Variants in PRDM12 observed in about 807,000 individuals in gnomAD.
PRDM12 encodes PR/SET domain 12.
PRDM12 carries 17 observed loss-of-function variants against 29.6 expected under a neutral mutation model. The ratio of observed to expected loss-of-function variants is 0.57; its 90% CI spans 0.39 to 0.86. The LOEUF (loss-of-function observed/expected upper bound fraction) is 0.86. PRDM12 is among the 40% of genes least tolerant of loss of function. The pLI, the probability that PRDM12 is intolerant of heterozygous loss-of-function variation, is 0.00. For missense variants in PRDM12, 422 were observed against 510.8 expected (o/e 0.83, Z 1.68); for synonymous variants, 231 against 225.8 (o/e 1.02, Z -0.21).
In PRDM12 at chr9:130,668,327, T is replaced by C. The variant is rs1227266147; in HGVS notation, c.570+14T>C. On this transcript the variant is annotated intron_variant, in intron 3 of 4. Transcript: ENST00000253008. The surrounding 1 kb of genome is among the most constrained non-coding windows in gnomAD (Gnocchi z 4.0). ...AAGGCCATTGAGGTGTGTGTGTGTGTGTGCACTGTTGTGTAGGGACCAGCC... is the reference window on the plus strand; with the variant it reads ...AAGGCCATTGAGGTGTGTGTGTGTGCGTGCACTGTTGTGTAGGGACCAGCC... The C allele has an allele frequency of 1.2e-6, 2 of 1,613,492 alleles. No individual in the cohort carries two copies. Among genetic ancestry groups the C allele is most frequent in the Non-Finnish European group, 1.7e-6 (2 of 1,179,858 alleles).
chr9:130,666,486 T>G (rs571215410), intron 1 of PRDM12, 122 bp from the exon 2 acceptor site: 24 of 1,298,994 alleles, frequency 1.8e-5, no homozygotes, highest in Non-Finnish European at 2.5e-5. Flanking sequence ...TTCTCTGGAT[T>G]TGGGGCCGAC....
intron 3 of PRDM12, among the ~76,000 whole-genome samples, chr9:130,677,372 G>A (rs1000862735): frequency 6.6e-6 from 1 of 152,190 alleles, no homozygotes; most frequent in African/African-American, 2.4e-5. Flanking sequence ...CACAGAGGGG[G>A]CCCTGTCTCT....
At chr9:130,665,949 G>A (rs1830729577) in intron 1 of PRDM12, among the ~76,000 whole-genome samples, 1 of 152,216 alleles carries the variant, frequency 6.6e-6, no homozygotes, top group East Asian at 1.9e-4. Flanking sequence ...AGATGACATC[G>A]GGGTTTGTCT....
chr9:130,673,093 C>T (rs1830804083), intron 3 of PRDM12, among the ~76,000 whole-genome samples: 1 of 152,184 alleles, frequency 6.6e-6, no homozygotes, highest in Non-Finnish European at 1.5e-5. Flanking sequence ...CTGAGCCTAT[C>T]CCTGCTCCCC....
intron 2 of PRDM12, 90 bp downstream of exon 2, chr9:130,666,888 A>C: frequency 6.8e-7 from 1 of 1,473,110 alleles, no homozygotes; most frequent in Non-Finnish European, 9.1e-7. Context: ...CGCCGCTTCC[A>C]CCCGGGCTGA....
At chr9:130,672,581 G>A (rs898027951) in intron 3 of PRDM12, among the ~76,000 whole-genome samples, 6 of 152,168 alleles carry the variant, frequency 3.9e-5, no homozygotes, top group African/African-American at 1.4e-4. Context: ...GAAATGTTAC[G>A]GAGATTACGG....
chr9:130,672,915 G>A (rs560176414), intron 3 of PRDM12, among the ~76,000 whole-genome samples: 1 of 152,180 alleles, frequency 6.6e-6, no homozygotes, highest in Admixed American at 6.5e-5. Flanking sequence ...AATTCAGAAA[G>A]TGGGGAAGGA....
rs1447374379 is a variant in PRDM12, at chr9:130,681,791, G to A, written c.*122G>A. 1 of 892,908 alleles carries A rather than the reference G, an allele frequency of 1.1e-6. No individual in the cohort carries two copies. Among genetic ancestry groups the A allele is most frequent in the Non-Finnish European group, 1.3e-6 (1 of 745,814 alleles). The allele number at this position is 892,908 out of a possible 1,614,324, so 55.3% of individuals were successfully genotyped here. A position where few individuals can be genotyped will look rare whatever the true frequency, so the allele number is the denominator to read the frequency against. ...GCGCCGCCGCGGAGCCCCGCGCGCT[G>A]GGGTTGCGCCCCGGAGGCGGATCTC... On this transcript the variant is annotated 3_prime_UTR_variant, in exon 5 of 5. Coordinates refer to ENST00000253008, the MANE Select transcript of PRDM12 (RefSeq NM_021619.3). This position sits in a 1 kb window ranked among gnomAD's most constrained non-coding sequence, Gnocchi z 8.1.
At chr9:130,665,546 A>G (rs374337703) in intron 1 of PRDM12, among the ~76,000 whole-genome samples, 1 of 151,538 alleles carries the variant, frequency 6.6e-6, no homozygotes, top group Admixed American at 6.6e-5. Flanking sequence ...ACTTCCATTC[A>G]CGCTATGTCA....
Position 130,681,525 on chromosome 9 carries a change from C to A in PRDM12, c.960C>A (p.Ser320Arg). The A allele has an allele frequency of 7.3e-7, 1 of 1,375,508 alleles. No individual in the cohort carries two copies. Among genetic ancestry groups the A allele is most frequent in the Non-Finnish European group, 9.5e-7 (1 of 1,057,624 alleles). 85.2% of individuals were successfully genotyped at this position (1,375,508 alleles called of 1,614,324 possible). The change falls in exon 5 of 5, where the codon AGC (serine) becomes AGA (arginine). Residue 320 changes from serine to arginine, a missense_variant. Around this residue, in one of 5 missense-constraint regions of PRDM12, gnomAD observed 24 missense variants for 64.0 expected, o/e 0.38. Transcript: ENST00000253008. This position sits in a 1 kb window ranked among gnomAD's most constrained non-coding sequence, Gnocchi z 8.1. ...QLAGLRAHQK[S>R]ARHRPPSTAL... ...CCGGCCTGCGCGCCCACCAGAAGAG[C>A]GCGCGGCACCGGCCGCCCAGCACCG...
chr9:130,681,790 TG>T lies in PRDM12; in HGVS notation c.*125del. 1 of 892,044 alleles carries T rather than the reference TG, an allele frequency of 1.1e-6. No homozygotes were observed. Among genetic ancestry groups the T allele is most frequent in the Non-Finnish European group, 1.3e-6 (1 of 745,122 alleles). The allele number at this position is 892,044 out of a possible 1,614,324, so 55.3% of individuals were successfully genotyped here. The stretch of plus-strand genomic sequence containing the variant: ...GGCGCCGCCGCGGAGCCCCGCGCGC[TG>T]GGGTTGCGCCCCGGAGGCGGATCTC... On this transcript the variant is annotated 3_prime_UTR_variant, in exon 5 of 5. Transcript: ENST00000253008. The surrounding 1 kb of genome is among the most constrained non-coding windows in gnomAD (Gnocchi z 8.1).
chr9:130,667,786 G>T (rs1284844360), intron 2 of PRDM12, among the ~76,000 whole-genome samples: 1 of 152,176 alleles, frequency 6.6e-6, no homozygotes, highest in Admixed American at 6.5e-5. Context: ...CCTCTCTGAG[G>T]CCTGGCTGAT....
rs1554753223 is a variant in PRDM12 at position 130,681,593 on chromosome 9, A to ACGCGCCCGCGCT, written c.1032_1043dup (p.Pro345_Ala348dup). ...CCCGCGCTGCCCGCCCCGCACGCGCACGCGCCCGCGCTCGCCGCCGCCGCC... is the reference window on the plus strand; with the variant it reads ...CCCGCGCTGCCCGCCCCGCACGCGCACGCGCCCGCGCTCGCGCCCGCGCTCGCCGCCGCCGCC... On this transcript the variant is annotated inframe_insertion, in exon 5 of 5. Coordinates refer to ENST00000253008, the MANE Select transcript of PRDM12 (RefSeq NM_021619.3). The surrounding 1 kb of genome is among the most constrained non-coding windows in gnomAD (Gnocchi z 8.1). The ACGCGCCCGCGCT allele has an allele frequency of 1.9e-6, 2 of 1,072,150 alleles. No homozygotes were observed. The highest frequency in any genetic ancestry group is 2.3e-6 in the Non-Finnish European group (2 of 885,426). The allele number at this position is 1,072,150 out of a possible 1,614,324, so 66.4% of individuals were successfully genotyped here.
intron 3 of PRDM12, among the ~76,000 whole-genome samples, chr9:130,672,255 G>A (rs1293411393): frequency 1.3e-5 from 2 of 152,186 alleles, no homozygotes; most frequent in Non-Finnish European, 2.9e-5. Flanking sequence ...AGGCTGGAGT[G>A]CAATGGTGCA....
chr9:130,667,513 G>A (rs920892164), intron 2 of PRDM12, among the ~76,000 whole-genome samples: 1 of 138,818 alleles, frequency 7.2e-6, no homozygotes, highest in African/African-American at 2.7e-5. Context: ...TCATTCCCTC[G>A]CCCGCTCCCC....
rs1588183341 is a variant in PRDM12, at chr9:130,664,916, C to T, written c.223+40C>T. ...CGGAGCCCGGCGCAATCCCTCCTCC[C>T]GGCGACCCCCATTCCCGTCCTGGCG... On this transcript the variant is annotated intron_variant, in intron 1 of 4. Transcript: ENST00000253008. This position sits in a 1 kb window ranked among gnomAD's most constrained non-coding sequence, Gnocchi z 6.4. 1 of 1,482,626 alleles carries T rather than the reference C, an allele frequency of 6.7e-7. No individual in the cohort carries two copies. The highest frequency in any genetic ancestry group is 9.0e-7 in the Non-Finnish European group (1 of 1,108,496). 91.8% of individuals were successfully genotyped at this position (1,482,626 alleles called of 1,614,324 possible).
rs1272475174 is a variant in PRDM12, at chr9:130,668,360, C to T, written c.570+47C>T. Reference sequence around the variant, plus strand: ...GTTGTGTAGGGACCAGCCGGTAAACCCGGCGGGGGGAGGTGTGCAGGGCAG... The same window carrying T: ...GTTGTGTAGGGACCAGCCGGTAAACTCGGCGGGGGGAGGTGTGCAGGGCAG... On this transcript the variant is annotated intron_variant, in intron 3 of 4. Coordinates refer to ENST00000253008, the MANE Select transcript of PRDM12 (RefSeq NM_021619.3). This position sits in a 1 kb window ranked among gnomAD's most constrained non-coding sequence, Gnocchi z 4.0. 2 of 1,605,298 alleles carry T rather than the reference C, an allele frequency of 1.2e-6. No homozygotes were observed. Among genetic ancestry groups the T allele is most frequent in the African/African-American group, 1.3e-5 (1 of 74,712 alleles).
chr9:130,665,791 C>T (rs999531443), intron 1 of PRDM12, among the ~76,000 whole-genome samples: 7 of 152,208 alleles, frequency 4.6e-5, no homozygotes, highest in Non-Finnish European at 7.3e-5. Flanking sequence ...GCCCGCTCGC[C>T]GGGTATTTTC....
intron 4 of PRDM12, among the ~76,000 whole-genome samples, chr9:130,680,659 A>ATATATTT: frequency 2.8e-3 from 201 of 72,140 alleles, no homozygotes; most frequent in South Asian, 3.8e-3. Flanking sequence ...ATATATATAT[A>ATATATTT]TTTTTTTTTT....
Sources: gnomAD v4.1 joint callset for allele counts (sites outside exome capture counted in the v4.1 genomes callset) on GRCh38, gnomAD v4.1.1 for gene constraint, gnomAD v4.1.1 regional missense constraint, Gnocchi (gnomAD v3.1) non-coding constraint, MANE v1.5 for transcripts, NCBI Gene and HGNC (gene_info 2026-07-23, HGNC 2026-07-21) for gene names.